Variants in METTL2A observed in about 807,000 individuals in gnomAD.
METTL2A encodes tRNA N(3)-cytidine methyltransferase METTL2A.
A neutral mutation model predicts 49.4 loss-of-function variants in METTL2A; 45 were observed. That is an observed-to-expected ratio of 0.91 (90% CI 0.72 to 1.17). METTL2A has a LOEUF of 1.17. Ranked by LOEUF, METTL2A falls within the 50% of genes most tolerant of loss-of-function variation. The pLI, the probability that METTL2A is intolerant of heterozygous loss-of-function variation, is 0.00. For synonymous variants in METTL2A, 118 were observed against 167.5 expected (o/e 0.70, Z 2.28); for missense variants, 361 against 462.2 (o/e 0.78, Z 2.01).
Position 62,450,654 on chromosome 17 carries a change from G to A in METTL2A, c.*1925G>A, listed in dbSNP as rs1346984356. On this transcript the variant is annotated 3_prime_UTR_variant, in exon 9 of 9. Coordinates refer to ENST00000311506, the MANE Select transcript of METTL2A (RefSeq NM_181725.4). ...AGCCTGGCTAACATAGTGAAACCCC[G>A]TCTCCACTAAAAAATAAAAAATCAG... The A allele has an allele frequency of 3.3e-5, 5 of 151,892 alleles. No homozygotes were observed. Among genetic ancestry groups the A allele is most frequent in the African/African-American group, 4.8e-5 (2 of 41,316 alleles). 9.4% of individuals were successfully genotyped at this position (151,892 alleles called of 1,614,324 possible).
At position 62,423,960 on chromosome 17, in the gene METTL2A, T is replaced by A; in HGVS notation, c.58T>A (p.Phe20Ile). 1.2e-6 allele frequency: 2 copies of A among 1,613,756 alleles called. No individual in the cohort carries two copies. The highest frequency in any genetic ancestry group is 1.7e-6 in the Non-Finnish European group (2 of 1,179,974). ...PAVLADKRQQ[F>I]GSRFLRDPAR... ...AGTCCTCGCCGATAAGAGGCAGCAG[T>A]TCGGAAGCCGGTTCCTGAGAGATCC... The change falls in exon 1 of 9, where the codon TTC becomes ATC. Residue 20 changes from phenylalanine to isoleucine, a missense_variant. By Grantham distance (21) the Phe-to-Ile change is conservative. Transcript: ENST00000311506.
intron 5 of METTL2A, among the ~76,000 whole-genome samples, chr17:62,436,233 C>A (rs980850729): frequency 2.0e-5 from 3 of 151,966 alleles, no homozygotes; most frequent in African/African-American, 7.3e-5. Flanking sequence ...CAGAGTGAGA[C>A]TCCATCTCAA....
intron 5 of METTL2A, among the ~76,000 whole-genome samples, chr17:62,436,929 C>A (rs28498027): frequency 0.034 from 5,116 of 152,208 alleles, 300 homozygotes; most frequent in African/African-American, 0.11. Context: ...AACAAAAAAC[C>A]TTTCTTGCCA....
intron 8 of METTL2A, among the ~76,000 whole-genome samples, chr17:62,448,059 T>C (rs566056276): frequency 1.3e-5 from 2 of 152,288 alleles, no homozygotes; most frequent in Admixed American, 6.5e-5. Context: ...TCATCTCCAG[T>C]CCAGCCTGTT....
At position 62,449,791 on chromosome 17, in the gene METTL2A, A is replaced by G; in HGVS notation, c.*1062A>G. 1 of 158,234 alleles carries G rather than the reference A, an allele frequency of 6.3e-6. No homozygotes were observed. Among genetic ancestry groups the G allele is most frequent in the East Asian group, 1.9e-4 (1 of 5,282 alleles). 9.8% of individuals were successfully genotyped at this position (158,234 alleles called of 1,614,324 possible). On this transcript the variant is annotated 3_prime_UTR_variant, in exon 9 of 9. Transcript: ENST00000311506. ...CCCTCTAACCTGTGTCTAAAGAATTAAAAGAATTTGGCCGGGTGCGGCAGC... is the reference window on the plus strand; with the variant it reads ...CCCTCTAACCTGTGTCTAAAGAATTGAAAGAATTTGGCCGGGTGCGGCAGC...
chr17:62,429,125 A>C (rs188542671), intron 4 of METTL2A, among the ~76,000 whole-genome samples: 1 of 152,078 alleles, frequency 6.6e-6, no homozygotes, highest in East Asian at 1.9e-4. Context: ...ACTCATGGGA[A>C]AATTAATTTT....
rs1458095957 is a variant in METTL2A, at chr17:62,423,998, C to G, written c.96C>G (p.Phe32Leu). 1 of 1,613,956 alleles carries G rather than the reference C, an allele frequency of 6.2e-7. No homozygotes were observed. The change falls in exon 1 of 9, where the codon TTC (phenylalanine) becomes TTG (leucine). Residue 32 changes from phenylalanine to leucine, a missense_variant. By Grantham distance (22) the Phe-to-Leu change is conservative (BLOSUM62 0). Transcript: ENST00000311506. Reference sequence around the variant, plus strand: ...TCCTGAGAGATCCGGCGCGCGTCTTCCACCACAATGCCTGGTAATCACTCT... The same window carrying G: ...TCCTGAGAGATCCGGCGCGCGTCTTGCACCACAATGCCTGGTAATCACTCT... ...SRFLRDPARV[F>L]HHNAWDNVEW...
In METTL2A at chr17:62,444,913, T is replaced by C; in HGVS notation, c.886T>C (p.Tyr296His). 1 of 1,613,858 alleles carries C rather than the reference T, an allele frequency of 6.2e-7. No individual in the cohort carries two copies. The change falls in exon 7 of 9, where the codon TAT becomes CAT. Residue 296 changes from tyrosine (Y) to histidine (H), a missense_variant. Physicochemically the swap from Tyr to His is moderately conservative, Grantham distance 83 (BLOSUM62 2). Coordinates refer to ENST00000311506, the MANE Select transcript of METTL2A (RefSeq NM_181725.4). ...GMMLLRDYGRYDMAQLRFKKG... is the reference protein window; with the variant it reads ...GMMLLRDYGRHDMAQLRFKKG... ...GATGCTTCTGCGAGATTACGGCCGC[T>C]ATGACATGGCTCAGCTTCGGTTTAA...
intron 2 of METTL2A, among the ~76,000 whole-genome samples, chr17:62,425,373 A>G (rs1364658041): frequency 1.7e-5 from 2 of 115,088 alleles, no homozygotes; most frequent in Non-Finnish European, 3.6e-5. Flanking sequence ...AACAGCCTTC[A>G]TTTAAACTGT....
At chr17:62,447,864 CTTT>C in intron 8 of METTL2A, 98 bp downstream of exon 8, 8 of 1,576,366 alleles carry the variant, frequency 5.1e-6, no homozygotes, top group Non-Finnish European at 6.9e-6. Context: ...TCCCTCCTGC[CTTT>C]TAGGCAGGCT....
chr17:62,437,699 G>C (rs78263739), intron 5 of METTL2A, among the ~76,000 whole-genome samples: 21,735 of 152,016 alleles, frequency 0.14, 3,887 homozygotes, highest in East Asian at 0.45. Flanking sequence ...TATGGCTGGG[G>C]TCAGTGGCTC....
At chr17:62,424,541 G>A (rs1312560894) in intron 2 of METTL2A, among the ~76,000 whole-genome samples, 9 of 152,052 alleles carry the variant, frequency 5.9e-5, no homozygotes, top group East Asian at 1.9e-4. Flanking sequence ...TTTGGAGGAG[G>A]GTAATGTTGT....
chr17:62,424,143 A>G (rs2070606237), intron 1 of METTL2A, 76 bp from the exon 2 acceptor site: 2 of 1,604,416 alleles, frequency 1.2e-6, no homozygotes, highest in Non-Finnish European at 8.5e-7. Context: ...AAGGGGAGAG[A>G]AACTCCTAGG....
At chr17:62,447,618 G>A in intron 7 of METTL2A, 83 bp from the exon 8 acceptor site, 2 of 1,506,614 alleles carry the variant, frequency 1.3e-6, no homozygotes, top group Non-Finnish European at 1.8e-6. Context: ...CCAACAAACT[G>A]ACCTCCCAGT....
At chr17:62,438,459 G>C (rs1268183065) in intron 5 of METTL2A, among the ~76,000 whole-genome samples, 1 of 150,702 alleles carries the variant, frequency 6.6e-6, no homozygotes, top group Admixed American at 6.6e-5. Flanking sequence ...GCATGCACCT[G>C]TAATCCCAGC....
At position 62,448,804 on chromosome 17, in the gene METTL2A, G is replaced by A. The variant is rs1484300547; in HGVS notation, c.*75G>A. 1 of 1,588,864 alleles carries A rather than the reference G, an allele frequency of 6.3e-7. No homozygotes were observed. The highest frequency in any genetic ancestry group is 2.2e-5 in the East Asian group (1 of 44,602). ...TTTAAAAAAAAAATTGTAGCACTGG[G>A]CGTGGTGCATGCCTGTAATCCCAGC... On this transcript the variant is annotated 3_prime_UTR_variant, in exon 9 of 9. Coordinates refer to ENST00000311506, the MANE Select transcript of METTL2A (RefSeq NM_181725.4).
At chr17:62,425,959 C>T (rs1474088219) in intron 2 of METTL2A, among the ~76,000 whole-genome samples, 2 of 151,200 alleles carry the variant, frequency 1.3e-5, no homozygotes, top group Non-Finnish European at 2.9e-5. Context: ...CAAGATTGCG[C>T]CCCTGCACTC....
At chr17:62,440,019 CTTT>C (rs60232494) in intron 5 of METTL2A, among the ~76,000 whole-genome samples, 1 of 141,076 alleles carries the variant, frequency 7.1e-6, no homozygotes, top group African/African-American at 2.6e-5. Flanking sequence ...TTTGCCGTTA[CTTT>C]TTTTTTTTTT....
At chr17:62,424,379 C>T in intron 2 of METTL2A, 69 bp downstream of exon 2, 5 of 1,599,668 alleles carry the variant, frequency 3.1e-6, no homozygotes, top group Non-Finnish European at 3.4e-6. Flanking sequence ...CCCGGAGAGG[C>T]CAGGGAACCG....
Sources: gnomAD v4.1 joint callset for allele counts (sites outside exome capture counted in the v4.1 genomes callset) on GRCh38, gnomAD v4.1.1 for gene constraint, MANE v1.5 for transcripts, NCBI Gene and HGNC (gene_info 2026-07-23, HGNC 2026-07-21) for gene names.